The following TMEM132D variants were observed in gnomAD, a reference collection of about 807,000 sequenced individuals.
TMEM132D encodes transmembrane protein 132D.
Under a neutral mutation model 62.3 loss-of-function variants are expected in TMEM132D, and 21 were observed. That is an observed-to-expected ratio of 0.34 (90% CI 0.24 to 0.49). The LOEUF is 0.49. Among genes scored for constraint, TMEM132D ranks in the 20% least tolerant of loss-of-function variants. The probability of loss-of-function intolerance (pLI) is 0.99; values close to 1 mark genes in which losing one functional copy is unlikely to be tolerated. For synonymous variants in TMEM132D, 621 were observed against 575.6 expected (o/e 1.08, Z -1.13); for missense variants, 1,346 against 1,402.8 (o/e 0.96, Z 0.65).
At chr12:129,885,613 C>T (rs771077429) in intron 1 of TMEM132D, among the ~76,000 whole-genome samples, 7 of 152,240 alleles carry the variant, frequency 4.6e-5, no homozygotes, top group African/African-American at 7.2e-5. Flanking sequence ...TCCCACACTA[C>T]TGCTCCTGCA....
At chr12:129,607,438 C>T (rs1033147236) in intron 2 of TMEM132D, among the ~76,000 whole-genome samples, 6 of 152,178 alleles carry the variant, frequency 3.9e-5, no homozygotes, top group Non-Finnish European at 7.3e-5. Flanking sequence ...TGACCACCTG[C>T]AAGGCTGACC....
intron 5 of TMEM132D, among the ~76,000 whole-genome samples, chr12:129,144,755 C>A (rs1459018552): frequency 1.3e-5 from 2 of 152,026 alleles, no homozygotes; most frequent in Non-Finnish European, 2.9e-5. Context: ...ATCTATCTAA[C>A]CAACTCTATC....
chr12:129,765,252 G>A (rs990957009), intron 1 of TMEM132D, among the ~76,000 whole-genome samples: 1 of 152,170 alleles, frequency 6.6e-6, no homozygotes, highest in African/African-American at 2.4e-5. Flanking sequence ...TTATAGCAAT[G>A]CAAATAATTT....
At chr12:129,504,041 CTGTCATCATCATCAT>C (rs1875253340) in intron 3 of TMEM132D, among the ~76,000 whole-genome samples, 2 of 151,296 alleles carry the variant, frequency 1.3e-5, no homozygotes, top group Admixed American at 6.6e-5. Flanking sequence ...ATCATCATTA[CTGTCATCATCATCAT>C]TGTCATCATC....
intron 3 of TMEM132D, among the ~76,000 whole-genome samples, chr12:129,446,044 G>A (rs1210472336): frequency 6.6e-6 from 1 of 152,162 alleles, no homozygotes; most frequent in Non-Finnish European, 1.5e-5. Context: ...GCTCAGAAAA[G>A]GGAGAGAAGC....
At chr12:129,703,331 A>C (rs1881426590) in intron 1 of TMEM132D, among the ~76,000 whole-genome samples, 1 of 152,178 alleles carries the variant, frequency 6.6e-6, no homozygotes, top group African/African-American at 2.4e-5. Flanking sequence ...GTCACTGTGA[A>C]CATCATTTGA....
At chr12:129,242,987 C>T (rs1339085060) in intron 4 of TMEM132D, among the ~76,000 whole-genome samples, 1 of 122,328 alleles carries the variant, frequency 8.2e-6, no homozygotes, top group East Asian at 2.0e-4. Flanking sequence ...GCTCCCACAT[C>T]TTGTCTGTTT....
At chr12:129,577,488 CATTT>C (rs1877704210) in intron 2 of TMEM132D, among the ~76,000 whole-genome samples, 1 of 150,600 alleles carries the variant, frequency 6.6e-6, no homozygotes. Flanking sequence ...CATTTGTTTA[CATTT>C]CTTTTGACTA....
chr12:129,164,051 T>C (rs1307073691), intron 5 of TMEM132D, among the ~76,000 whole-genome samples: 1 of 152,194 alleles, frequency 6.6e-6, no homozygotes, highest in Non-Finnish European at 1.5e-5. Context: ...TGTGCATGAC[T>C]TTCTCCAGCA....
chr12:129,316,933 TAA>T (rs150353771), intron 4 of TMEM132D, among the ~76,000 whole-genome samples: 2,241 of 152,320 alleles, frequency 0.015, 58 homozygotes, highest in African/African-American at 0.051. Context: ...GCTGCTGCTT[TAA>T]AGTTTGTTTT....
chr12:129,454,903 C>T (rs1873417493), intron 3 of TMEM132D, among the ~76,000 whole-genome samples: 1 of 152,190 alleles, frequency 6.6e-6, no homozygotes, highest in Non-Finnish European at 1.5e-5. Context: ...GACCTCCCTT[C>T]TCTAGTTAAG....
intron 1 of TMEM132D, among the ~76,000 whole-genome samples, chr12:129,840,744 C>A (rs1873166369): frequency 6.6e-6 from 1 of 152,274 alleles, no homozygotes; most frequent in African/African-American, 2.4e-5. Context: ...GCAACACCAG[C>A]GAGCTTCTGA....
intron 3 of TMEM132D, among the ~76,000 whole-genome samples, chr12:129,389,505 C>T (rs910927818): frequency 2.6e-5 from 4 of 151,810 alleles, no homozygotes; most frequent in Admixed American, 6.6e-5. Context: ...AATGCTATGT[C>T]CCAACACTAA....
intron 3 of TMEM132D, among the ~76,000 whole-genome samples, chr12:129,383,476 G>A (rs1205716934): frequency 6.6e-6 from 1 of 152,128 alleles, no homozygotes; most frequent in Non-Finnish European, 1.5e-5. Context: ...TTGAGGCGGA[G>A]TCTTGCTCTG....
intron 1 of TMEM132D, among the ~76,000 whole-genome samples, chr12:129,846,070 A>C (rs1171970461): frequency 6.6e-6 from 1 of 152,146 alleles, no homozygotes; most frequent in East Asian, 1.9e-4. Flanking sequence ...GGCATTTCTT[A>C]TGGGGAGGTG....
chr12:129,450,744 T>A (rs1018514408), intron 3 of TMEM132D, among the ~76,000 whole-genome samples: 9 of 137,988 alleles, frequency 6.5e-5, no homozygotes, highest in African/African-American at 1.6e-4. Flanking sequence ...AAAGTTTCCA[T>A]CGCTTCTTTT....
At chr12:129,531,442 T>C (rs1205443295) in intron 2 of TMEM132D, among the ~76,000 whole-genome samples, 1 of 152,190 alleles carries the variant, frequency 6.6e-6, no homozygotes. Context: ...CAGCAAACAT[T>C]AGTTACAGAA....
chr12:129,797,262 CT>C (rs1274610138), intron 1 of TMEM132D, among the ~76,000 whole-genome samples: 1 of 152,188 alleles, frequency 6.6e-6, no homozygotes, highest in Non-Finnish European at 1.5e-5. Flanking sequence ...CTACCCACAG[CT>C]GAATGTTTTC....
At chr12:129,602,332 A>T (rs1256306237) in intron 2 of TMEM132D, among the ~76,000 whole-genome samples, 1 of 152,210 alleles carries the variant, frequency 6.6e-6, no homozygotes, top group Non-Finnish European at 1.5e-5. Flanking sequence ...GGAAATAAAA[A>T]TGTCAATATA....
Sources: gnomAD v4.1 joint callset for allele counts (sites outside exome capture counted in the v4.1 genomes callset) on GRCh38, gnomAD v4.1.1 for gene constraint, MANE v1.5 for transcripts, NCBI Gene and HGNC (gene_info 2026-07-23, HGNC 2026-07-21) for gene names.